Variants in ME1 observed in about 807,000 individuals in gnomAD.
ME1 encodes the protein NADP-dependent malic enzyme.
Under a neutral mutation model 66.4 loss-of-function variants are expected in ME1, and 74 were observed. That is an observed-to-expected ratio of 1.11 (90% confidence interval 0.92 to 1.35). The LOEUF (loss-of-function observed/expected upper bound fraction) is 1.35. Among genes scored for constraint, ME1 ranks in the 40% most tolerant of loss-of-function variants. The pLI, the probability that ME1 is intolerant of heterozygous loss-of-function variation, is 0.00. For missense variants in ME1, 750 were observed against 694.1 expected (o/e 1.08, Z -0.90); for synonymous variants, 251 against 235.6 (o/e 1.07, Z -0.60).
chr6:83,369,395 C>G (rs1769153445), intron 3 of ME1, among the ~76,000 whole-genome samples: 1 of 152,068 alleles, frequency 6.6e-6, no homozygotes, highest in Admixed American at 6.6e-5. Context: ...AAGTAACTCT[C>G]TAGTTTTTCC....
intron 3 of ME1, among the ~76,000 whole-genome samples, chr6:83,389,504 C>T (rs1428189114): frequency 1.3e-5 from 2 of 151,912 alleles, no homozygotes; most frequent in Non-Finnish European, 2.9e-5. Flanking sequence ...TTTGATAGAA[C>T]ATTAGAAATA....
At chr6:83,263,020 A>AT (rs1440761123) in intron 6 of ME1, among the ~76,000 whole-genome samples, 6 of 151,904 alleles carry the variant, frequency 3.9e-5, no homozygotes, top group Non-Finnish European at 7.4e-5. Flanking sequence ...TATTGGGACC[A>AT]TTTTTTCCAA....
chr6:83,217,819 G>T (rs1032186634), intron 12 of ME1, among the ~76,000 whole-genome samples: 41 of 152,270 alleles, frequency 2.7e-4, no homozygotes, highest in African/African-American at 9.1e-4. Context: ...GGAGCAGAGG[G>T]TCTGGGTACA....
At chr6:83,325,400 C>T (rs1441290345) in intron 5 of ME1, among the ~76,000 whole-genome samples, 1 of 151,844 alleles carries the variant, frequency 6.6e-6, no homozygotes, top group Non-Finnish European at 1.5e-5. Context: ...AAGGGTATTC[C>T]AATAGGAAAA....
intron 12 of ME1, among the ~76,000 whole-genome samples, chr6:83,219,904 A>C (rs949852666): frequency 1.3e-5 from 2 of 152,004 alleles, no homozygotes; most frequent in Non-Finnish European, 2.9e-5. Context: ...TTTGTTTTAA[A>C]AAAGAACCAA....
chr6:83,222,363 C>T (rs1437544276), intron 12 of ME1, among the ~76,000 whole-genome samples: 1 of 152,148 alleles, frequency 6.6e-6, no homozygotes, highest in Non-Finnish European at 1.5e-5. Context: ...GTGCTAGCCA[C>T]CAAGATTATG....
At chr6:83,370,448 TAGAG>T (rs1227269008) in intron 3 of ME1, among the ~76,000 whole-genome samples, 1 of 152,038 alleles carries the variant, frequency 6.6e-6, no homozygotes, top group African/African-American at 2.4e-5. Context: ...TATGACATAA[TAGAG>T]AGGAAAACGA....
At chr6:83,366,840 T>G (rs1314348113) in intron 3 of ME1, among the ~76,000 whole-genome samples, 1 of 152,358 alleles carries the variant, frequency 6.6e-6, no homozygotes, top group East Asian at 1.9e-4. Flanking sequence ...CAAACTCCTG[T>G]TAATATTGAT....
intron 6 of ME1, among the ~76,000 whole-genome samples, chr6:83,284,929 T>C (rs1480519855): frequency 6.6e-6 from 1 of 152,172 alleles, no homozygotes; most frequent in African/African-American, 2.4e-5. Context: ...TAGTATTCCA[T>C]GGTATATATT....
chr6:83,232,568 T>G (rs1790325877), intron 9 of ME1, among the ~76,000 whole-genome samples: 1 of 152,190 alleles, frequency 6.6e-6, no homozygotes, highest in Admixed American at 6.6e-5. Flanking sequence ...TTGATCATAC[T>G]CTATTTGAAA....
chr6:83,237,402 G>GAA, intron 9 of ME1, among the ~76,000 whole-genome samples: 1 of 120,528 alleles, frequency 8.3e-6, no homozygotes, highest in African/African-American at 4.4e-5. Flanking sequence ...AGGAAGGAAA[G>GAA]AAAGAAAAAG....
At chr6:83,382,942 TA>T (rs1769435254) in intron 3 of ME1, among the ~76,000 whole-genome samples, 1 of 151,814 alleles carries the variant, frequency 6.6e-6, no homozygotes, top group Admixed American at 6.6e-5. Flanking sequence ...AGATTCTGAA[TA>T]AAACAGATTA....
chr6:83,357,201 G>A (rs530022677), intron 3 of ME1, among the ~76,000 whole-genome samples: 9 of 152,204 alleles, frequency 5.9e-5, no homozygotes, highest in South Asian at 2.1e-4. Flanking sequence ...ATTGCCGACC[G>A]GTCCTATTAG....
chr6:83,252,945 T>A (rs1210580065), intron 7 of ME1, among the ~76,000 whole-genome samples: 2 of 152,154 alleles, frequency 1.3e-5, no homozygotes, highest in Non-Finnish European at 2.9e-5. Context: ...AGATAAACAC[T>A]GAAAAACATT....
At chr6:83,408,645 T>C (rs1457292472) in intron 1 of ME1, among the ~76,000 whole-genome samples, 1 of 152,184 alleles carries the variant, frequency 6.6e-6, no homozygotes, top group African/African-American at 2.4e-5. Flanking sequence ...ACATGAAAAC[T>C]AAATAGAAAT....
intron 6 of ME1, among the ~76,000 whole-genome samples, chr6:83,277,704 C>T (rs1767209272): frequency 6.6e-6 from 1 of 151,876 alleles, no homozygotes; most frequent in Non-Finnish European, 1.5e-5. Context: ...GAGTTCGAGG[C>T]CAGCCTGGCC....
intron 3 of ME1, among the ~76,000 whole-genome samples, chr6:83,380,902 G>T (rs535118144): frequency 5.2e-4 from 79 of 152,072 alleles, no homozygotes; most frequent in Non-Finnish European, 8.2e-4. Context: ...TTTAGTGGGT[G>T]GAATGGATCA....
chr6:83,359,805 T>A (rs1354337230), intron 3 of ME1, among the ~76,000 whole-genome samples: 1 of 152,208 alleles, frequency 6.6e-6, no homozygotes. Flanking sequence ...GCCTTGCACT[T>A]GCTCTCCTCT....
intron 6 of ME1, among the ~76,000 whole-genome samples, chr6:83,311,270 G>C (rs1767926812): frequency 6.6e-6 from 1 of 152,170 alleles, no homozygotes; most frequent in Non-Finnish European, 1.5e-5. Context: ...TTAGCCAGGA[G>C]AATACATGTA....
Sources: allele counts gnomAD v4.1 joint callset (sites outside exome capture counted in the v4.1 genomes callset), GRCh38; gene constraint gnomAD v4.1.1; transcripts MANE v1.5; gene names NCBI Gene and HGNC (gene_info 2026-07-23, HGNC 2026-07-21).